CCDC60: variants seen among roughly 807,000 people sequenced by gnomAD.
CCDC60 encodes the protein coiled-coil domain-containing protein 60.
A neutral mutation model predicts 63.5 loss-of-function variants in CCDC60; 54 were observed. That is an observed-to-expected ratio of 0.85 (90% CI 0.68 to 1.07). The LOEUF is 1.07. Among genes scored for constraint, CCDC60 ranks in the 50% least tolerant of loss-of-function variants. The probability of loss-of-function intolerance (pLI) is 0.00; values close to 1 mark genes in which losing one functional copy is unlikely to be tolerated. For missense variants in CCDC60, 651 were observed against 684.3 expected (o/e 0.95, Z 0.54); for synonymous variants, 206 against 238.8 (o/e 0.86, Z 1.27).
intron 2 of CCDC60, 141 bp downstream of exon 2, chr12:119,428,903 C>T: frequency 1.7e-6 from 1 of 579,668 alleles, no homozygotes; most frequent in Non-Finnish European, 3.1e-6. Context: ...GAGGGTAACC[C>T]TGGGAGGAGC....
intron 6 of CCDC60, 111 bp from the exon 7 acceptor site, chr12:119,504,958 C>T: frequency 1.4e-6 from 1 of 719,532 alleles, no homozygotes; most frequent in Admixed American, 2.8e-5. Context: ...CAGACCCAGG[C>T]TTTGCTTTTG....
chr12:119,351,357 C>A (rs886774633), intron 1 of CCDC60, among the ~76,000 whole-genome samples: 1 of 152,112 alleles, frequency 6.6e-6, no homozygotes, highest in African/African-American at 2.4e-5. Context: ...CAGTCCATAC[C>A]ATCTGTATTA....
intron 2 of CCDC60, among the ~76,000 whole-genome samples, chr12:119,431,493 C>T (rs906250175): frequency 2.6e-5 from 4 of 152,168 alleles, no homozygotes; most frequent in South Asian, 2.1e-4. Flanking sequence ...ATCTTAGAAG[C>T]GGTTTAGGGA....
intron 2 of CCDC60, among the ~76,000 whole-genome samples, chr12:119,455,173 G>T (rs1950702811): frequency 1.3e-5 from 2 of 152,180 alleles, no homozygotes; most frequent in Admixed American, 6.5e-5. Context: ...GCATATTGAT[G>T]CCCACGATAA....
chr12:119,523,589 C>T (rs913798430), intron 10 of CCDC60, 104 bp from the exon 11 acceptor site: 2 of 1,527,006 alleles, frequency 1.3e-6, no homozygotes, highest in Non-Finnish European at 8.8e-7. Context: ...AGGGAGTCCC[C>T]CATGCAGAGC....
chr12:119,507,612 A>ATT (rs1271195617), intron 7 of CCDC60, among the ~76,000 whole-genome samples: 2,271 of 45,370 alleles, frequency 0.05, 285 homozygotes, highest in South Asian at 0.069. Context: ...ATATATATAT[A>ATT]TATTTTTTTT....
intron 2 of CCDC60, among the ~76,000 whole-genome samples, chr12:119,435,384 T>A (rs565889353): frequency 1.3e-5 from 2 of 152,332 alleles, no homozygotes; most frequent in East Asian, 3.9e-4. Context: ...AGCTAGCCCA[T>A]TGCTTTAGGC....
At chr12:119,428,073 A>C (rs1004573706) in intron 1 of CCDC60, among the ~76,000 whole-genome samples, 2 of 152,168 alleles carry the variant, frequency 1.3e-5, no homozygotes, top group Non-Finnish European at 2.9e-5. Flanking sequence ...GATTTCCCCT[A>C]GGTATAGACA....
At chr12:119,517,509 T>A (rs911591544) in intron 8 of CCDC60, among the ~76,000 whole-genome samples, 9 of 152,078 alleles carry the variant, frequency 5.9e-5, no homozygotes, top group African/African-American at 2.2e-4. Flanking sequence ...GGGTTGGGGA[T>A]GGGGATCAGA....
intron 2 of CCDC60, among the ~76,000 whole-genome samples, chr12:119,460,120 T>C (rs964118994): frequency 1.5e-5 from 2 of 129,362 alleles, no homozygotes; most frequent in Non-Finnish European, 3.3e-5. Flanking sequence ...TAATAGTTAA[T>C]AGTCTTGTTG....
chr12:119,445,449 A>AAAAAAAAAAAAG (rs1950526399), intron 2 of CCDC60, among the ~76,000 whole-genome samples: 1 of 148,296 alleles, frequency 6.7e-6, no homozygotes, highest in African/African-American at 2.5e-5. Flanking sequence ...AAAAAAAAAA[A>AAAAAAAAAAAAG]AAAAAAAGGA....
chr12:119,488,632 C>T (rs748023526), intron 4 of CCDC60, 127 bp from the exon 5 acceptor site: 33 of 722,656 alleles, frequency 4.6e-5, no homozygotes, highest in East Asian at 1.9e-4. Context: ...AAAATACTTG[C>T]GCATGCCTGG....
intron 2 of CCDC60, among the ~76,000 whole-genome samples, chr12:119,445,149 T>C (rs1593097821): frequency 6.6e-6 from 1 of 152,010 alleles, no homozygotes; most frequent in Admixed American, 6.6e-5. Flanking sequence ...AAGAATGCCC[T>C]GAGGCCAGGC....
intron 2 of CCDC60, among the ~76,000 whole-genome samples, chr12:119,442,263 T>C (rs1950461767): frequency 6.6e-6 from 1 of 152,242 alleles, no homozygotes. Context: ...TGTGACTTCA[T>C]TTCTTTCAAC....
intron 1 of CCDC60, among the ~76,000 whole-genome samples, chr12:119,366,387 G>C (rs144826880): frequency 6.6e-6 from 1 of 152,288 alleles, no homozygotes; most frequent in Non-Finnish European, 1.5e-5. Flanking sequence ...GCCCAGCTCT[G>C]TCTGTCTTCA....
intron 1 of CCDC60, among the ~76,000 whole-genome samples, chr12:119,361,919 G>A (rs1460992749): frequency 6.6e-6 from 1 of 152,184 alleles, no homozygotes; most frequent in Non-Finnish European, 1.5e-5. Context: ...TTAATGAGGG[G>A]AGTGATCATT....
chr12:119,498,492 C>T (rs1951765251), intron 5 of CCDC60, among the ~76,000 whole-genome samples: 1 of 152,120 alleles, frequency 6.6e-6, no homozygotes, highest in Admixed American at 6.5e-5. Context: ...GCCACCACAC[C>T]TGGCTAAATT....
At chr12:119,365,126 A>G (rs1294396224) in intron 1 of CCDC60, among the ~76,000 whole-genome samples, 2 of 152,248 alleles carry the variant, frequency 1.3e-5, no homozygotes, top group Admixed American at 1.3e-4. Flanking sequence ...ATCAGATTCA[A>G]GGAAATGAGA....
intron 3 of CCDC60, 145 bp downstream of exon 3, chr12:119,472,309 T>C (rs1199817336): frequency 4.1e-6 from 3 of 730,078 alleles, no homozygotes. Flanking sequence ...TTTAGTGTGG[T>C]CCAACCAACC....
Sources: gnomAD v4.1 joint callset for allele counts (sites outside exome capture counted in the v4.1 genomes callset) on GRCh38, gnomAD v4.1.1 for gene constraint, MANE v1.5 for transcripts, NCBI Gene and HGNC (gene_info 2026-07-23, HGNC 2026-07-21) for gene names.